The following LLGL2 variants were observed in gnomAD, a reference collection of about 807,000 sequenced individuals.
LLGL2 encodes LLGL2, scribble cell polarity complex component.
LLGL2 carries 81 observed loss-of-function variants against 123.2 expected under a neutral mutation model. That is an observed-to-expected ratio of 0.66 (90% CI 0.55 to 0.79). The LOEUF (loss-of-function observed/expected upper bound fraction) is 0.79, where lower values mean the gene tolerates loss of function less well. LLGL2 is among the 30% of genes least tolerant of loss of function. The probability of loss-of-function intolerance (pLI) is 0.00; values close to 1 mark genes in which losing one functional copy is unlikely to be tolerated. For missense variants in LLGL2, 1,273 were observed against 1,414.6 expected (o/e 0.90, Z 1.61); for synonymous variants, 577 against 594.1 (o/e 0.97, Z 0.42).
At position 75,528,395 on chromosome 17, in the gene LLGL2, G is replaced by C. The variant is rs570493310; in HGVS notation, c.-31+2570G>C. Among the ~76,000 whole-genome samples the C allele has an allele frequency of 2.7e-3, 409 of 152,198 alleles. 1 individual carries two copies. The highest frequency in any genetic ancestry group is 8.7e-3 in the African/African-American group (362 of 41,564). ...CTCCCAAAGTGCTGGGATTACAGGCGTAAGCCACCGCGCCCGGCCTTAAAT... is the reference window on the plus strand; with the variant it reads ...CTCCCAAAGTGCTGGGATTACAGGCCTAAGCCACCGCGCCCGGCCTTAAAT... On this transcript the variant is annotated intron_variant, in intron 1 of 25. Coordinates refer to ENST00000392550, the MANE Select transcript of LLGL2 (RefSeq NM_001031803.2).
rs1428216450 is a variant in LLGL2 at position 75,543,397 on chromosome 17, GTC to G, written c.-27_-26del. The G allele has an allele frequency of 1.3e-6, 2 of 1,589,904 alleles. No individual in the cohort carries two copies. The highest frequency in any genetic ancestry group is 3.5e-5 in the Admixed American group (2 of 56,896). The stretch of plus-strand genomic sequence containing the variant: ...CCTGCAGCTCCTTCTGTTTCTCCAG[GTC>G]TCCAGTGGGGGCTGCAGACTAAGCA... On this transcript the variant is annotated splice_region_variant and 5_prime_UTR_variant, in exon 2 of 26. Coordinates refer to ENST00000392550, the MANE Select transcript of LLGL2 (RefSeq NM_001031803.2).
At position 75,544,304 on chromosome 17, in the gene LLGL2, G is replaced by A. The variant is rs1478018958; in HGVS notation, c.75+803G>A. Among the ~76,000 whole-genome samples, 1 of 152,182 alleles carries A rather than the reference G, an allele frequency of 6.6e-6. No individual in the cohort carries two copies. Among genetic ancestry groups the A allele is most frequent in the Non-Finnish European group, 1.5e-5 (1 of 68,034 alleles). ...GGACACTGTGATCCTCTTCCCCCGG[G>A]GAGCCAGGACCCTCCCAATATGCTG... On this transcript the variant is annotated intron_variant, in intron 2 of 25. Transcript: ENST00000392550. The surrounding 1 kb of genome is among the most constrained non-coding windows in gnomAD (Gnocchi z 4.2).
At position 75,558,522 on chromosome 17, in the gene LLGL2, T is replaced by C; in HGVS notation, c.266T>C (p.Val89Ala). ...GTGTGCCCTCGCCAGTGCCAGCTGG[T>C]CACCCTGCTGGATGACAACAGCCTG... ...IHLLPGQCQL[V>A]TLLDDNSLHL... The change falls in exon 5 of 26, where the codon GTC becomes GCC. Residue 89 changes from valine (V) to alanine (A), a missense_variant. By Grantham distance (64) the Val-to-Ala change is moderately conservative. Transcript: ENST00000392550. The surrounding 1 kb of genome is among the most constrained non-coding windows in gnomAD (Gnocchi z 4.0). The C allele has an allele frequency of 6.3e-7, 1 of 1,597,038 alleles. No homozygotes were observed. The highest frequency in any genetic ancestry group is 8.5e-7 in the Non-Finnish European group (1 of 1,172,434).
rs1491166044 is a variant in LLGL2, at chr17:75,550,803, A to AAC, written c.76-5231_76-5230dup. Reference sequence around the variant, plus strand: ...CTCAAAAAAAAAAAAAAAAAAAAAAAACACACACACACAAACTAGGGGGCA... The same window carrying AAC: ...CTCAAAAAAAAAAAAAAAAAAAAAAAACACACACACACACAAACTAGGGGGCA... On this transcript the variant is annotated intron_variant, in intron 2 of 25. Coordinates refer to ENST00000392550, the MANE Select transcript of LLGL2 (RefSeq NM_001031803.2). Among the ~76,000 whole-genome samples the AAC allele has an allele frequency of 7.9e-3, 933 of 117,776 alleles. 54 individuals carry two copies. The highest frequency in any genetic ancestry group is 0.026 in the Middle Eastern group (6 of 234). The allele number at this position is 117,776 out of a possible 152,430, so 77.3% of individuals were successfully genotyped here.
At chr17:75,546,641 G>A (rs1261484924) in intron 2 of LLGL2, among the ~76,000 whole-genome samples, 10 of 33,606 alleles carry the variant, frequency 3.0e-4, no homozygotes, top group Non-Finnish European at 5.6e-4. Flanking sequence ...CAGACAGGCG[G>A]AGGGCAGGTC....
In LLGL2 at chr17:75,571,766, C is replaced by T. The variant is rs150971482; in HGVS notation, c.2276C>T (p.Pro759Leu). ...VPPAERRMDEPVRAEQAKEIQ... is the reference protein window; with the variant it reads ...VPPAERRMDELVRAEQAKEIQ... ...CCCGCCGAGCGGAGAATGGATGAGC[C>T]TGTGCGGGCAGAGCAGGGTGAGTGC... The change falls in exon 18 of 26, where the codon CCT becomes CTT. Residue 759 changes from proline (P) to leucine (L), a missense_variant. Transcript: ENST00000392550. 1 of 1,607,818 alleles carries T rather than the reference C, an allele frequency of 6.2e-7. No homozygotes were observed. The highest frequency in any genetic ancestry group is 8.5e-7 in the Non-Finnish European group (1 of 1,179,802).
chr17:75,563,275 G>A, intron 7 of LLGL2, 56 bp from the exon 8 acceptor site: 2 of 1,603,384 alleles, frequency 1.2e-6, no homozygotes, highest in Non-Finnish European at 1.7e-6. Context: ...GCAGGCGATG[G>A]GAACGCCGCC....
intron 18 of LLGL2, 38 bp from the exon 19 acceptor site, chr17:75,571,860 C>A (rs779011688): frequency 6.2e-7 from 1 of 1,607,752 alleles, no homozygotes. Flanking sequence ...AGCCCTGCCA[C>A]CCCCTCACCA....
In LLGL2 at chr17:75,564,566, C is replaced by A; in HGVS notation, c.1036+59C>A. 1 of 1,601,680 alleles carries A rather than the reference C, an allele frequency of 6.2e-7. No homozygotes were observed. Among genetic ancestry groups the A allele is most frequent in the Non-Finnish European group, 8.5e-7 (1 of 1,171,664 alleles). On this transcript the variant is annotated intron_variant, in intron 10 of 25. Transcript: ENST00000392550. The surrounding 1 kb of genome is among the most constrained non-coding windows in gnomAD (Gnocchi z 4.9). ...AGGTGTGGGAGGCATGGGGCAGGACCATCAGTAAAGACAGGGCCAGGTGCA... is the reference window on the plus strand; with the variant it reads ...AGGTGTGGGAGGCATGGGGCAGGACAATCAGTAAAGACAGGGCCAGGTGCA...
chr17:75,528,784 G>A (rs1398822190), intron 1 of LLGL2, among the ~76,000 whole-genome samples: 6 of 151,834 alleles, frequency 4.0e-5, no homozygotes, highest in African/African-American at 1.2e-4. Flanking sequence ...CCAGGTGATC[G>A]CTGTTCATTT....
chr17:75,531,748 C>T (rs560734517), intron 1 of LLGL2, among the ~76,000 whole-genome samples: 1 of 152,316 alleles, frequency 6.6e-6, no homozygotes, highest in South Asian at 2.1e-4. Flanking sequence ...TCACTGTGCC[C>T]GTGGCCATGG....
Position 75,569,073 on chromosome 17 carries a change from C to T in LLGL2, c.1418C>T (p.Thr473Met), listed in dbSNP as rs200719954. 67 of 1,612,932 alleles carry T rather than the reference C, an allele frequency of 4.2e-5. No individual in the cohort carries two copies. In the African/African-American group the frequency reaches 6.0e-4, roughly 14 times the overall value. The change falls in exon 13 of 26, where the codon ACG (threonine) becomes ATG (methionine). Residue 473 changes from threonine (T) to methionine (M), a missense_variant. Coordinates refer to ENST00000392550, the MANE Select transcript of LLGL2 (RefSeq NM_001031803.2). ...ACTGTGCGCGTGTTCCTCACCGACA[C>T]GGACCCCAACGAGAACTTCAGTGCC... Reference protein sequence around the residue: ...LSTVRVFLTDTDPNENFSAQG... With the variant: ...LSTVRVFLTDMDPNENFSAQG...
At chr17:75,537,103 G>A (rs1216709410) in intron 1 of LLGL2, among the ~76,000 whole-genome samples, 4 of 152,162 alleles carry the variant, frequency 2.6e-5, no homozygotes, top group Non-Finnish European at 5.9e-5. Context: ...GATTACAGAC[G>A]TGAGCCACAG....
chr17:75,566,257 G>C (rs1267146261), intron 10 of LLGL2, among the ~76,000 whole-genome samples: 1 of 152,208 alleles, frequency 6.6e-6, no homozygotes, highest in African/African-American at 2.4e-5. Flanking sequence ...CTTGGGGTTT[G>C]AGGGAGATGA....
intron 1 of LLGL2, among the ~76,000 whole-genome samples, chr17:75,542,395 C>T (rs977256892): frequency 9.9e-5 from 15 of 152,124 alleles, no homozygotes; most frequent in African/African-American, 3.4e-4. Context: ...TTCCTTCCCC[C>T]ATCCTGCTGG....
At chr17:75,548,791 G>A (rs1568036069) in intron 2 of LLGL2, among the ~76,000 whole-genome samples, 3 of 151,722 alleles carry the variant, frequency 2.0e-5, no homozygotes, top group Middle Eastern at 3.4e-3. Context: ...TATACTTTGG[G>A]GTAGCCCATT....
Position 75,572,995 on chromosome 17 carries a change from A to G in LLGL2, c.2461-19A>G. 2 of 1,587,690 alleles carry G rather than the reference A, an allele frequency of 1.3e-6. No homozygotes were observed. Among genetic ancestry groups the G allele is most frequent in the Non-Finnish European group, 1.7e-6 (2 of 1,163,382 alleles). On this transcript the variant is annotated intron_variant, in intron 19 of 25. Transcript: ENST00000392550. ...AACTGGTTTGGCCATGGGCATGAAC[A>G]ACCACCCCACGCCCCCAGGTGTTCA...
intron 1 of LLGL2, among the ~76,000 whole-genome samples, chr17:75,530,242 C>T (rs1280577837): frequency 6.6e-6 from 1 of 152,174 alleles, no homozygotes; most frequent in Admixed American, 6.5e-5. Context: ...TTGGCTCATG[C>T]CTGTAATCCC....
rs1057036469 is a variant in LLGL2 at position 75,571,548 on chromosome 17, G to C, written c.2177-119G>C. ...GGTCTTCTATGTTGGGGCCTGTGTGGTTGTCAGAGAGCCTTCCAGCCTCTC... is the reference window on the plus strand; with the variant it reads ...GGTCTTCTATGTTGGGGCCTGTGTGCTTGTCAGAGAGCCTTCCAGCCTCTC... On this transcript the variant is annotated intron_variant, in intron 17 of 25. Coordinates refer to ENST00000392550, the MANE Select transcript of LLGL2 (RefSeq NM_001031803.2). 5 of 745,682 alleles carry C rather than the reference G, an allele frequency of 6.7e-6. No homozygotes were observed. In the African/African-American group the frequency reaches 8.6e-5, roughly 13 times the overall value. 46.2% of individuals were successfully genotyped at this position (745,682 alleles called of 1,614,324 possible). A position where few individuals can be genotyped will look rare whatever the true frequency, so the allele number is the denominator to read the frequency against.
Sources: gnomAD v4.1 joint callset for allele counts (sites outside exome capture counted in the v4.1 genomes callset) on GRCh38, gnomAD v4.1.1 for gene constraint, Gnocchi (gnomAD v3.1) non-coding constraint, MANE v1.5 for transcripts, NCBI Gene and HGNC (gene_info 2026-07-23, HGNC 2026-07-21) for gene names.